Variants in SLC38A7 observed in about 807,000 individuals in gnomAD.
The protein encoded by SLC38A7 is solute carrier family 38 member 7, also known as sodium-coupled neutral amino acid transporter 7.
SLC38A7 carries 29 observed loss-of-function variants against 50.1 expected under a neutral mutation model. The observed-to-expected ratio is 0.58, with a 90% CI of 0.43 to 0.79. SLC38A7 has a LOEUF of 0.79. Among genes scored for constraint, SLC38A7 ranks in the 30% least tolerant of loss-of-function variants. SLC38A7 has a pLI of 0.00. For missense variants in SLC38A7, 483 were observed against 610.6 expected (o/e 0.79, Z 2.20); for synonymous variants, 244 against 245.9 (o/e 0.99, Z 0.07).
At chr16:58,677,703 G>C in intron 5 of SLC38A7, 1 of 429,178 alleles carries the variant, frequency 2.3e-6, no homozygotes, top group Non-Finnish European at 4.3e-6. Flanking sequence ...AGAGAGCAGA[G>C]CTCCAAAGCA....
intron 11 of SLC38A7, among the ~76,000 whole-genome samples, 154 bp downstream of exon 11, chr16:58,669,959 A>G (rs1370723887): frequency 2.0e-5 from 3 of 150,794 alleles, no homozygotes; most frequent in African/African-American, 7.3e-5. Flanking sequence ...TGGGCGACAC[A>G]GCGAGACTCC....
Position 58,671,212 on chromosome 16 carries a change from T to A in SLC38A7, c.1064A>T (p.Gln355Leu), listed in dbSNP as rs1200574180. 1.3e-5 allele frequency: 21 copies of A among 1,613,750 alleles called. No individual in the cohort carries two copies. Among genetic ancestry groups the A allele is most frequent in the Non-Finnish European group, 1.7e-5 (20 of 1,179,890 alleles). ...CACGTCCTCCTCCACTGGCACCCCC[T>A]GGTAGCGCAGCCACAGGCCTTCCAC... is the stretch of plus-strand genomic sequence containing the variant. ...AVVEGLWLRYQGVPVEEDVGR... is the reference protein window; with the variant it reads ...AVVEGLWLRYLGVPVEEDVGR... Residue 355 changes from glutamine (Q) to leucine (L), a missense_variant, in exon 10 of 12, where the codon CAG (glutamine) becomes CTG (leucine). By Grantham distance (113) the Gln-to-Leu change is moderately radical. Transcript: ENST00000219320.
chr16:58,673,884 G>A (rs567848286), intron 8 of SLC38A7, among the ~76,000 whole-genome samples: 5 of 151,346 alleles, frequency 3.3e-5, no homozygotes, highest in Admixed American at 2.0e-4. Context: ...GGAGTGCAGC[G>A]GCGCGATCTT....
chr16:58,671,385 G>C, intron 9 of SLC38A7, 141 bp from the exon 10 acceptor site: 1 of 765,100 alleles, frequency 1.3e-6, no homozygotes, highest in Non-Finnish European at 2.1e-6. Flanking sequence ...CTGTAAAATG[G>C]GCCACCAGCA....
rs1282169817 is a variant in SLC38A7, at chr16:58,666,889, CCTGA to C, written c.*492_*495del. 6.3e-6 allele frequency: 1 copy of C among 157,720 alleles called. No individual in the cohort carries two copies. The highest frequency in any genetic ancestry group is 2.4e-5 in the African/African-American group (1 of 41,648). The allele number at this position is 157,720 out of a possible 1,614,324, so 9.8% of individuals were successfully genotyped here. A position where few individuals can be genotyped will look rare whatever the true frequency, so the allele number is the denominator to read the frequency against. On this transcript the variant is annotated 3_prime_UTR_variant, in exon 12 of 12. Transcript: ENST00000219320. ...AAGGTGTGGACAAGGTCTGAATCTA[CCTGA>C]CTATGCATTTGCATGACTTCAGTGC...
At position 58,677,357 on chromosome 16, in the gene SLC38A7, T is replaced by C; in HGVS notation, c.679A>G (p.Lys227Glu). 6.2e-7 allele frequency: 1 copy of C among 1,614,078 alleles called. No individual in the cohort carries two copies. The highest frequency in any genetic ancestry group is 1.1e-5 in the South Asian group (1 of 91,080). ...AGGATGTTCCCTGGGGTCATCTCTTTATCTGGCCAGATGTACTTGATGATA... is the reference window on the plus strand; with the variant it reads ...AGGATGTTCCCTGGGGTCATCTCTTCATCTGGCCAGATGTACTTGATGATA... Reference protein sequence around the residue: ...IVIIKYIWPDKEMTPGNILTR... With the variant: ...IVIIKYIWPDEEMTPGNILTR... Residue 227 changes from lysine (K) to glutamate (E), a missense_variant, in exon 6 of 12, where the codon AAA becomes GAA. Transcript: ENST00000219320.
Position 58,678,739 on chromosome 16 carries a change from G to T in SLC38A7, c.426C>A (p.Thr142=), listed in dbSNP as rs759036819. ...EVAIAVYTFG[T]CIAFLIIIGD... ...CAATGATGATTAGGAAGGCAATGCA[G>T]GTGCCAAAGGTGTAGACAGCGATGG... The change falls in exon 4 of 12, where the codon ACC becomes ACA. Residue 142 remains threonine (T), a synonymous_variant. Coordinates refer to ENST00000219320, the MANE Select transcript of SLC38A7 (RefSeq NM_018231.3). This position sits in a 1 kb window ranked among gnomAD's most constrained non-coding sequence, Gnocchi z 4.0. The T allele has an allele frequency of 1.9e-6, 3 of 1,614,178 alleles. No individual in the cohort carries two copies. The highest frequency in any genetic ancestry group is 2.5e-6 in the Non-Finnish European group (3 of 1,180,014).
chr16:58,679,622 C>A, intron 3 of SLC38A7: 1 of 563,514 alleles, frequency 1.8e-6, no homozygotes, highest in Non-Finnish European at 3.1e-6. Context: ...AATGTTACAC[C>A]TAAAAAATTA....
At chr16:58,679,025 A>G in intron 3 of SLC38A7, 131 bp from the exon 4 acceptor site, 1 of 857,768 alleles carries the variant, frequency 1.2e-6, no homozygotes, top group East Asian at 2.6e-5. Context: ...ATTTTAAGAG[A>G]CTGCTAGAGG....
At chr16:58,680,981 G>A (rs1339268099) in intron 2 of SLC38A7, among the ~76,000 whole-genome samples, 1 of 152,126 alleles carries the variant, frequency 6.6e-6, no homozygotes, top group East Asian at 1.9e-4. Context: ...AGCCATGTAG[G>A]GGCCCAGAAC....
At position 58,678,599 on chromosome 16, in the gene SLC38A7, G is replaced by A. The variant is rs949938392; in HGVS notation, c.469+97C>T. ...ATTCCCAGATGAATGCTGGGCCCAG[G>A]TAAGTCCTGGAGAGGTGTTCAGTGC... On this transcript the variant is annotated intron_variant, in intron 4 of 11. Coordinates refer to ENST00000219320, the MANE Select transcript of SLC38A7 (RefSeq NM_018231.3). The surrounding 1 kb of genome is among the most constrained non-coding windows in gnomAD (Gnocchi z 4.0). The A allele has an allele frequency of 1.7e-5, 26 of 1,566,158 alleles. No individual in the cohort carries two copies. Among genetic ancestry groups the A allele is most frequent in the Middle Eastern group, 1.8e-4 (1 of 5,700 alleles).
intron 11 of SLC38A7, among the ~76,000 whole-genome samples, chr16:58,668,285 C>A (rs1467160426): frequency 6.7e-6 from 1 of 149,554 alleles, no homozygotes; most frequent in Non-Finnish European, 1.5e-5. Context: ...TAAAAAAATA[C>A]AAAAAATGGC....
chr16:58,667,863 G>A (rs1437213194), intron 11 of SLC38A7, among the ~76,000 whole-genome samples: 3 of 152,190 alleles, frequency 2.0e-5, no homozygotes, highest in South Asian at 2.1e-4. Context: ...GGGATAAAAC[G>A]GAATTGAAAT....
chr16:58,668,912 G>C (rs1159499198), intron 11 of SLC38A7, among the ~76,000 whole-genome samples: 1 of 135,816 alleles, frequency 7.4e-6, no homozygotes, highest in East Asian at 2.1e-4. Context: ...TAGGACTACA[G>C]GCATGCGCCA....
In SLC38A7 at chr16:58,675,958, C is replaced by T. The variant is rs868782902; in HGVS notation, c.865G>A (p.Ala289Thr). The T allele has an allele frequency of 8.7e-6, 14 of 1,612,324 alleles. No homozygotes were observed. The highest frequency in any genetic ancestry group is 2.2e-5 in the East Asian group (1 of 44,816). Reference protein sequence around the residue: ...VVTAAMVIALAVYMGTGICGF... With the variant: ...VVTAAMVIALTVYMGTGICGF... The stretch of plus-strand genomic sequence containing the variant: ...CACTCACCTGTCCCCATGTAGACAG[C>T]GAGGGCTATGACCATGGCAGCTGTC... Residue 289 changes from alanine (A) to threonine (T), a missense_variant, in exon 8 of 12, where the codon GCT becomes ACT. By Grantham distance (58) the Ala-to-Thr change is moderately conservative. Coordinates refer to ENST00000219320, the MANE Select transcript of SLC38A7 (RefSeq NM_018231.3).
In SLC38A7 at chr16:58,667,383, G is replaced by C. The variant is rs1291367753; in HGVS notation, c.*2C>G. Reference sequence around the variant, plus strand: ...GGCCTTGTGTTCCCTGGGAGGCAGTGGTTATGCCAAGAGATCCACAAAGAT... The same window carrying C: ...GGCCTTGTGTTCCCTGGGAGGCAGTCGTTATGCCAAGAGATCCACAAAGAT... On this transcript the variant is annotated 3_prime_UTR_variant, in exon 12 of 12. Transcript: ENST00000219320. 2 of 1,613,970 alleles carry C rather than the reference G, an allele frequency of 1.2e-6. No homozygotes were observed. Among genetic ancestry groups the C allele is most frequent in the East Asian group, 4.5e-5 (2 of 44,874 alleles).
At chr16:58,671,523 C>T in intron 9 of SLC38A7, 1 of 539,818 alleles carries the variant, frequency 1.9e-6, no homozygotes, top group East Asian at 3.0e-5. Flanking sequence ...GGGAGGGTGT[C>T]CATGTGAAAG....
rs1217248984 is a variant in SLC38A7, at chr16:58,678,629, T to G, written c.469+67A>C. On this transcript the variant is annotated intron_variant, in intron 4 of 11. Transcript: ENST00000219320. The surrounding 1 kb of genome is among the most constrained non-coding windows in gnomAD (Gnocchi z 4.0). ...TCCTGGAGAGGTGTTCAGTGCCTTT[T>G]CCCTCCACCCCAGGATCCCTGGGGC... 2.6e-5 allele frequency: 42 copies of G among 1,589,278 alleles called. No individual in the cohort carries two copies. The highest frequency in any genetic ancestry group is 7.7e-6 in the Non-Finnish European group (9 of 1,163,806).
At chr16:58,681,854 A>C (rs1241999368) in intron 2 of SLC38A7, 1 of 152,098 alleles carries the variant, frequency 6.6e-6, no homozygotes, top group Non-Finnish European at 1.5e-5. Context: ...GGAGCAGAAC[A>C]CTGATCAAAA....
Sources: allele counts gnomAD v4.1 joint callset (sites outside exome capture counted in the v4.1 genomes callset), GRCh38; gene constraint gnomAD v4.1.1; non-coding constraint Gnocchi (gnomAD v3.1); transcripts MANE v1.5; gene names NCBI Gene and HGNC (gene_info 2026-07-23, HGNC 2026-07-21).